Variants in GABRR3 observed in about 807,000 individuals in gnomAD.
GABRR3 encodes the protein gamma-aminobutyric acid type A receptor subunit rho3.
GABRR3 carries 29 observed loss-of-function variants against 43.2 expected under a neutral mutation model. That is an observed-to-expected ratio of 0.67 (90% CI 0.50 to 0.92). The LOEUF (loss-of-function observed/expected upper bound fraction) is 0.92. Ranked by LOEUF, GABRR3 falls within the 40% of genes least tolerant of loss-of-function variation. The probability of loss-of-function intolerance (pLI) is 0.00; values close to 1 mark genes in which losing one functional copy is unlikely to be tolerated. For missense variants in GABRR3, 576 were observed against 572.3 expected (o/e 1.01, Z -0.07); for synonymous variants, 206 against 195.9 (o/e 1.05, Z -0.43).
intron 4 of GABRR3, among the ~76,000 whole-genome samples, chr3:98,017,253 T>C (rs1706882884): frequency 2.0e-5 from 3 of 152,242 alleles, no homozygotes; most frequent in South Asian, 2.1e-4. Flanking sequence ...TTTGATATAT[T>C]TGAAAGCAGT....
intron 2 of GABRR3, among the ~76,000 whole-genome samples, chr3:98,027,347 C>T (rs955682973): frequency 6.6e-6 from 1 of 152,112 alleles, no homozygotes; most frequent in African/African-American, 2.4e-5. Flanking sequence ...AAATAGTAGA[C>T]ATTTAATAAA....
chr3:97,988,491 G>T (rs190780181), intron 9 of GABRR3, among the ~76,000 whole-genome samples: 2 of 152,292 alleles, frequency 1.3e-5, no homozygotes, highest in Admixed American at 1.3e-4. Flanking sequence ...AGAGGTGGTT[G>T]GAATATGTAC....
At chr3:97,996,069 T>C (rs193010009) in intron 8 of GABRR3, among the ~76,000 whole-genome samples, 21 of 152,286 alleles carry the variant, frequency 1.4e-4, no homozygotes, top group Admixed American at 6.5e-4. Context: ...TTCAGTTTCA[T>C]TGGCTATTTT....
intron 2 of GABRR3, among the ~76,000 whole-genome samples, chr3:98,031,213 C>T (rs1018904125): frequency 4.6e-5 from 7 of 152,164 alleles, no homozygotes; most frequent in South Asian, 4.1e-4. Flanking sequence ...ACTTGAAACA[C>T]GACAGTTCCC....
rs535013083 is a variant in GABRR3 at position 98,018,851 on chromosome 3, T to C, written c.239-1129A>G. Among the ~76,000 whole-genome samples, 9 of 152,252 alleles carry C rather than the reference T, an allele frequency of 5.9e-5. No homozygotes were observed. The South Asian group carries it at 1.9e-3, about 32-fold the overall frequency. On this transcript the variant is annotated intron_variant, in intron 3 of 9. Transcript: ENST00000621172. Reference sequence around the variant, plus strand: ...TAGGCCGGGCGTGGTGGCTCACTCCTGTTATCCCAGCACTTTGGCAGGCCG... The same window carrying C: ...TAGGCCGGGCGTGGTGGCTCACTCCCGTTATCCCAGCACTTTGGCAGGCCG...
chr3:98,022,284 C>A (rs1341512269), intron 3 of GABRR3, among the ~76,000 whole-genome samples: 1 of 152,166 alleles, frequency 6.6e-6, no homozygotes, highest in Non-Finnish European at 1.5e-5. Context: ...AAACAAAAAG[C>A]TCCCCTAAAT....
intron 5 of GABRR3, among the ~76,000 whole-genome samples, chr3:98,011,014 C>T (rs1040661935): frequency 2.0e-5 from 3 of 152,082 alleles, no homozygotes; most frequent in Non-Finnish European, 2.9e-5. Context: ...GCAGGAGAAT[C>T]GCTTGAACCC....
At chr3:98,035,113 GAA>G in intron 1 of GABRR3, 75 bp downstream of exon 1, 1 of 1,150,264 alleles carries the variant, frequency 8.7e-7, no homozygotes, top group African/African-American at 1.6e-5. Flanking sequence ...AGGGGAAAAA[GAA>G]AGACATTGTC....
chr3:98,001,389 G>A (rs1706638233), intron 8 of GABRR3: 2 of 518,846 alleles, frequency 3.9e-6, no homozygotes, highest in Non-Finnish European at 7.0e-6. Context: ...CCAACTGCAG[G>A]TCAGTCAGCA....
At chr3:98,027,667 C>CT (rs1362322185) in intron 2 of GABRR3, among the ~76,000 whole-genome samples, 11 of 152,156 alleles carry the variant, frequency 7.2e-5, no homozygotes, top group South Asian at 6.2e-4. Flanking sequence ...CTACTTTTGC[C>CT]TTTTTTTGTA....
chr3:97,988,078 C>A (rs763868994), intron 9 of GABRR3, among the ~76,000 whole-genome samples: 1 of 151,918 alleles, frequency 6.6e-6, no homozygotes, highest in South Asian at 2.1e-4. Flanking sequence ...CAGTTCCAGC[C>A]CGGATGGGGC....
chr3:98,012,410 T>A (rs1327880049), exon 5 of GABRR3: 1 of 1,614,016 alleles, frequency 6.2e-7, no homozygotes, highest in African/African-American at 1.3e-5. Flanking sequence ...AGTTGTATCA[T>A]GGATGAAGGA....
intron 2 of GABRR3, among the ~76,000 whole-genome samples, chr3:98,032,256 A>G (rs1707095528): frequency 6.6e-6 from 1 of 152,178 alleles, no homozygotes; most frequent in African/African-American, 2.4e-5. Flanking sequence ...TATTTTAGAA[A>G]GTATTTAATT....
At chr3:97,990,716 T>A (rs1382930699) in intron 9 of GABRR3, among the ~76,000 whole-genome samples, 1 of 151,630 alleles carries the variant, frequency 6.6e-6, no homozygotes, top group African/African-American at 2.4e-5. Context: ...AATAGGACAT[T>A]CCCTTGAGAT....
intron 9 of GABRR3, 102 bp from the exon 10 acceptor site, chr3:97,987,084 G>A: frequency 2.6e-6 from 2 of 775,798 alleles, no homozygotes; most frequent in Non-Finnish European, 2.0e-6. Flanking sequence ...TATCAGAACA[G>A]CAAGATAGGC....
chr3:97,987,266 T>C (rs2107222660), intron 9 of GABRR3, among the ~76,000 whole-genome samples: 1 of 152,312 alleles, frequency 6.6e-6, no homozygotes, highest in South Asian at 2.1e-4. Flanking sequence ...AAATGCAAAT[T>C]AGCCAGGCCT....
rs1707131912 is a variant in GABRR3, at chr3:98,034,880, A to G, written c.108T>C (p.Ser36=). 13 of 1,612,966 alleles carry G rather than the reference A, an allele frequency of 8.1e-6. 1 individual carries two copies. The African/African-American group carries it at 9.4e-5, about 12-fold the overall frequency. ...CATCTTACCAGGTTTGTTTCATTGA[A>G]GAGGAGCACCGCTGGTGTGTCATCT... is the stretch of plus-strand genomic sequence containing the variant. The change falls in exon 2 of 10, where the codon TCT becomes TCC. Residue 36 remains serine, a synonymous_variant. Transcript: ENST00000621172.
chr3:97,996,360 G>A (rs1706553277), intron 8 of GABRR3, among the ~76,000 whole-genome samples: 1 of 152,186 alleles, frequency 6.6e-6, no homozygotes, highest in African/African-American at 2.4e-5. Context: ...TCTCATGAAG[G>A]TGGTACAAAT....
At chr3:97,994,525 T>C (rs1323997019) in intron 8 of GABRR3, among the ~76,000 whole-genome samples, 10 of 152,236 alleles carry the variant, frequency 6.6e-5, no homozygotes, top group Non-Finnish European at 1.5e-5. Context: ...ACGATCTGCA[T>C]ATCAGAGGGT....
Sources: allele counts gnomAD v4.1 joint callset (sites outside exome capture counted in the v4.1 genomes callset), GRCh38; gene constraint gnomAD v4.1.1; transcripts MANE v1.5; gene names NCBI Gene and HGNC (gene_info 2026-07-23, HGNC 2026-07-21).